Variants in BANF2 observed in about 807,000 individuals in gnomAD.
BANF2 encodes BANF family member 2.
BANF2 carries 4 observed loss-of-function variants against 8.0 expected under a neutral mutation model. The observed-to-expected ratio is 0.50, with a 90% CI of 0.25 to 1.14. The LOEUF is 1.14. BANF2 is among the 50% of genes most tolerant of loss of function. The probability of loss-of-function intolerance (pLI) is 0.16; values close to 1 mark genes in which losing one functional copy is unlikely to be tolerated. For synonymous variants in BANF2, 50 were observed against 40.6 expected, an observed-to-expected ratio of 1.23 and a Z score of -0.88; for missense variants, 96 against 107.5, an observed-to-expected ratio of 0.89 and a Z score of 0.47.
chr20:17,718,135 T>C (rs1364222936), intron 1 of BANF2, among the ~76,000 whole-genome samples: 1 of 152,200 alleles, frequency 6.6e-6, no homozygotes, highest in Admixed American at 6.5e-5. Context: ...ATTTTTCCCA[T>C]TGACCTTTTG....
chr20:17,708,307 T>C (rs1440816731), intron 1 of BANF2, among the ~76,000 whole-genome samples: 1 of 152,186 alleles, frequency 6.6e-6, no homozygotes, highest in African/African-American at 2.4e-5. Flanking sequence ...TGTATTTATA[T>C]GTGCAAGGGG....
intron 3 of BANF2, among the ~76,000 whole-genome samples, chr20:17,733,826 G>C (rs1260326795): frequency 6.6e-6 from 1 of 152,146 alleles, no homozygotes; most frequent in Non-Finnish European, 1.5e-5. Flanking sequence ...CAATGCTTGG[G>C]TATATTTTAT....
At chr20:17,700,886 G>A (rs140543662) in intron 1 of BANF2, among the ~76,000 whole-genome samples, 68 of 152,250 alleles carry the variant, frequency 4.5e-4, no homozygotes, top group African/African-American at 1.4e-3. Context: ...GTCTGTCTAC[G>A]GTCCATTCAC....
chr20:17,734,114 T>G (rs563334888), intron 3 of BANF2, among the ~76,000 whole-genome samples: 1 of 152,210 alleles, frequency 6.6e-6, no homozygotes, highest in Admixed American at 6.5e-5. Flanking sequence ...TACGTGGCCT[T>G]GGGAATTCCC....
At chr20:17,703,609 G>A (rs989789219) in intron 1 of BANF2, among the ~76,000 whole-genome samples, 28 of 152,198 alleles carry the variant, frequency 1.8e-4, no homozygotes, top group African/African-American at 4.3e-4. Context: ...TCAGCTGGGG[G>A]CTAGGCTGGA....
chr20:17,699,220 C>T (rs1045926200), upstream of BANF2, among the ~76,000 whole-genome samples: 1 of 152,174 alleles, frequency 6.6e-6, no homozygotes, highest in African/African-American at 2.4e-5. Context: ...CTCCTCCATC[C>T]CCAATCCCAA....
At chr20:17,693,674 G>T (rs1291138573) in exon 1 of BANF2, 1 of 1,551,474 alleles carries the variant, frequency 6.4e-7, no homozygotes, top group East Asian at 2.4e-5. Flanking sequence ...GAACTTTAAA[G>T]CAACCCTGCG....
At chr20:17,716,263 T>G (rs541110044) in intron 1 of BANF2, among the ~76,000 whole-genome samples, 4 of 152,338 alleles carry the variant, frequency 2.6e-5, no homozygotes, top group East Asian at 3.9e-4. Flanking sequence ...CCTCAGACCC[T>G]TAACAGCCTA....
upstream of BANF2, among the ~76,000 whole-genome samples, chr20:17,698,735 T>C (rs1333901949): frequency 6.6e-6 from 1 of 152,234 alleles, no homozygotes; most frequent in Non-Finnish European, 1.5e-5. Flanking sequence ...GCCAAGAGGC[T>C]ATGGGCAGGG....
intron 3 of BANF2, among the ~76,000 whole-genome samples, chr20:17,728,170 G>T (rs2037837390): frequency 6.6e-6 from 1 of 152,128 alleles, no homozygotes; most frequent in Non-Finnish European, 1.5e-5. Context: ...TCCCACCCCA[G>T]GCTGGGGCTC....
At chr20:17,698,619 G>A (rs2037370386), upstream of BANF2, among the ~76,000 whole-genome samples, 1 of 152,176 alleles carries the variant, frequency 6.6e-6, no homozygotes, top group Non-Finnish European at 1.5e-5. Flanking sequence ...GCAGCTGCCC[G>A]CTTGTAGGCA....
intron 1 of BANF2, chr20:17,712,136 T>G (rs1212200369): frequency 6.6e-6 from 1 of 152,364 alleles, no homozygotes; most frequent in Non-Finnish European, 1.5e-5. Flanking sequence ...CATGGAGGGG[T>G]GACCAGTCCC....
intron 1 of BANF2, among the ~76,000 whole-genome samples, chr20:17,715,322 A>T (rs1015406259): frequency 6.6e-6 from 1 of 152,188 alleles, no homozygotes; most frequent in South Asian, 2.1e-4. Context: ...TGGGAGAGGT[A>T]TCTGCAGAAG....
intron 1 of BANF2, among the ~76,000 whole-genome samples, chr20:17,705,579 C>T (rs1568807514): frequency 6.6e-6 from 1 of 152,162 alleles, no homozygotes; most frequent in Non-Finnish European, 1.5e-5. Context: ...GTCAGTAGTT[C>T]CCTAGCTTTA....
rs1172221655 is a variant in BANF2 at position 17,714,034 on chromosome 20, C to T, written c.-166-8682C>T. Among the ~76,000 whole-genome samples, 4 of 151,486 alleles carry T rather than the reference C, an allele frequency of 2.6e-5. No homozygotes were observed. The East Asian group carries it at 5.8e-4, about 22-fold the overall frequency. ...CAGCCTGGCCAACATGATGAAACCCCGTCTCTACTAAAAATACAAAAATTA... is the reference window on the plus strand; with the variant it reads ...CAGCCTGGCCAACATGATGAAACCCTGTCTCTACTAAAAATACAAAAATTA... On this transcript the variant is annotated intron_variant, in intron 1 of 3. Transcript: ENST00000246090.
intron 3 of BANF2, among the ~76,000 whole-genome samples, chr20:17,725,839 T>C (rs989328124): frequency 6.6e-6 from 1 of 152,180 alleles, no homozygotes; most frequent in African/African-American, 2.4e-5. Flanking sequence ...CTGTTGCTCT[T>C]CATTCTCCTC....
At chr20:17,713,124 T>C (rs973592299) in intron 1 of BANF2, among the ~76,000 whole-genome samples, 6 of 152,104 alleles carry the variant, frequency 3.9e-5, no homozygotes, top group Admixed American at 2.0e-4. Flanking sequence ...TGGTGGTGCA[T>C]ATCTGTAGTC....
chr20:17,705,648 G>T (rs958906526), intron 1 of BANF2, among the ~76,000 whole-genome samples: 1 of 152,236 alleles, frequency 6.6e-6, no homozygotes, highest in African/African-American at 2.4e-5. Context: ...GAGAATGGGG[G>T]GAGGCCTAGG....
At chr20:17,719,467 T>C (rs992979307) in intron 1 of BANF2, among the ~76,000 whole-genome samples, 1 of 152,028 alleles carries the variant, frequency 6.6e-6, no homozygotes, top group African/African-American at 2.4e-5. Context: ...TTTACCTTCT[T>C]AGGCCTTGGT....
Sources: allele counts gnomAD v4.1 joint callset (sites outside exome capture counted in the v4.1 genomes callset), GRCh38; gene constraint gnomAD v4.1.1; transcripts MANE v1.5; gene names NCBI Gene and HGNC (gene_info 2026-07-23, HGNC 2026-07-21).